Variants in CACHD1 observed in about 807,000 individuals in gnomAD.
The protein encoded by CACHD1 is cache domain containing 1.
CACHD1 carries 71 observed loss-of-function variants against 138.7 expected under a neutral mutation model. The ratio of observed to expected loss-of-function variants is 0.51; its 90% CI spans 0.42 to 0.62. The LOEUF (loss-of-function observed/expected upper bound fraction) is 0.62, where lower values mean the gene tolerates loss of function less well. CACHD1 is among the 20% of genes least tolerant of loss of function. The pLI, the probability that CACHD1 is intolerant of heterozygous loss-of-function variation, is 0.00. For synonymous variants in CACHD1, 578 were observed against 591.5 expected, an observed-to-expected ratio of 0.98 and a Z score of 0.33; for missense variants, 1,389 against 1,625.3, an observed-to-expected ratio of 0.85 and a Z score of 2.50.
chr1:64,612,589 C>T (rs1647574477), intron 4 of CACHD1, among the ~76,000 whole-genome samples: 1 of 152,128 alleles, frequency 6.6e-6, no homozygotes, highest in African/African-American at 2.4e-5. Flanking sequence ...ATTTGGCTTT[C>T]TGCTTAGAAT....
intron 1 of CACHD1, chr1:64,505,843 G>GGCCTC (rs1557465795): frequency 8.6e-6 from 1 of 116,658 alleles, no homozygotes; most frequent in Admixed American, 8.6e-5. Flanking sequence ...TTTGTTCCCC[G>GGCCTC]GCCTCGCCCC....
intron 2 of CACHD1, among the ~76,000 whole-genome samples, chr1:64,559,288 A>G (rs969142404): frequency 6.6e-6 from 1 of 152,362 alleles, no homozygotes; most frequent in East Asian, 1.9e-4. Context: ...ATTGTGGTAT[A>G]TATGTACACT....
intron 1 of CACHD1, among the ~76,000 whole-genome samples, chr1:64,472,585 G>A (rs1398622784): frequency 1.3e-5 from 2 of 152,276 alleles, no homozygotes; most frequent in Middle Eastern, 6.8e-3. Flanking sequence ...AGATTCAGTT[G>A]CAATTTTTTC....
At chr1:64,637,350 A>G (rs1057211169) in intron 7 of CACHD1, among the ~76,000 whole-genome samples, 2 of 152,208 alleles carry the variant, frequency 1.3e-5, no homozygotes, top group East Asian at 3.8e-4. Context: ...TCCAGAGGGT[A>G]GCTGCTCCTC....
At chr1:64,629,581 T>C in intron 5 of CACHD1, 100 bp downstream of exon 5, 1 of 1,343,858 alleles carries the variant, frequency 7.4e-7, no homozygotes, top group Non-Finnish European at 1.0e-6. Context: ...GCCTTTAAGC[T>C]GTGGATTCAG....
At chr1:64,527,436 A>G (rs1231159187) in intron 1 of CACHD1, among the ~76,000 whole-genome samples, 1 of 152,066 alleles carries the variant, frequency 6.6e-6, no homozygotes. Flanking sequence ...TTCTTCGGGG[A>G]GTCTTGTGAT....
rs1648731266 is a variant in CACHD1 at position 64,641,948 on chromosome 1, C to T, written c.1135C>T (p.Leu379Phe). ...CTTTCTAAACAACTCTGTAATGATT[C>T]TCACCTATGCCCTCATGAACGGTAG... ...NSFLNNSVMI[L>F]TYALMNDGVT... The change falls in exon 8 of 27, where the codon CTC becomes TTC. Residue 379 changes from leucine (L) to phenylalanine (F), a missense_variant. Coordinates refer to ENST00000651257, the MANE Select transcript of CACHD1 (RefSeq NM_020925.4). 1 of 1,593,998 alleles carries T rather than the reference C, an allele frequency of 6.3e-7. No homozygotes were observed. Among genetic ancestry groups the T allele is most frequent in the South Asian group, 1.2e-5 (1 of 86,944 alleles).
intron 4 of CACHD1, among the ~76,000 whole-genome samples, chr1:64,613,163 G>C (rs1647591111): frequency 6.6e-6 from 1 of 152,092 alleles, no homozygotes; most frequent in South Asian, 2.1e-4. Context: ...TGCCTCAATT[G>C]GTATAATCTT....
rs1347625621 is a variant in CACHD1 at position 64,692,753 on chromosome 1, A to T, written c.*1192A>T. ...AAATCTGGCTACTATAACATGGGGCATTGTAACTTTAAAGTAGTGTTTTAA... is the reference window on the plus strand; with the variant it reads ...AAATCTGGCTACTATAACATGGGGCTTTGTAACTTTAAAGTAGTGTTTTAA... On this transcript the variant is annotated 3_prime_UTR_variant, in exon 27 of 27. Transcript: ENST00000651257. 1 of 152,262 alleles carries T rather than the reference A, an allele frequency of 6.6e-6. No individual in the cohort carries two copies. Among genetic ancestry groups the T allele is most frequent in the Non-Finnish European group, 1.5e-5 (1 of 68,040 alleles). 9.4% of individuals were successfully genotyped at this position (152,262 alleles called of 1,614,324 possible).
intron 13 of CACHD1, among the ~76,000 whole-genome samples, chr1:64,659,571 A>G (rs1202444912): frequency 6.6e-6 from 1 of 152,210 alleles, no homozygotes; most frequent in East Asian, 1.9e-4. Flanking sequence ...CTGAGTTGAC[A>G]TGTGATTGAT....
At chr1:64,519,546 C>T (rs1053764995) in intron 1 of CACHD1, among the ~76,000 whole-genome samples, 3 of 152,186 alleles carry the variant, frequency 2.0e-5, no homozygotes, top group Non-Finnish European at 2.9e-5. Flanking sequence ...TCTGAATTAA[C>T]TTTTTTCCTT....
chr1:64,503,425 T>G (rs2100328043), intron 1 of CACHD1, among the ~76,000 whole-genome samples: 1 of 152,260 alleles, frequency 6.6e-6, no homozygotes, highest in Admixed American at 6.5e-5. Context: ...CTCCAAAAAT[T>G]TACAGAGCCA....
In CACHD1 at chr1:64,512,393, C is replaced by CAAAAAAA. The variant is rs551616431; in HGVS notation, c.199-38181_199-38175dup. Among the ~76,000 whole-genome samples the CAAAAAAA allele has an allele frequency of 2.7e-4, 21 of 78,594 alleles. 1 individual carries two copies. The highest frequency in any genetic ancestry group is 1.3e-3 in the African/African-American group (21 of 15,576). 51.6% of individuals were successfully genotyped at this position (78,594 alleles called of 152,430 possible). On this transcript the variant is annotated intron_variant, in intron 1 of 26. Transcript: ENST00000651257. ...TCGGTGACACAGTGAGACTGTGTCT[C>CAAAAAAA]AAAAAAAAAAAAAAAAAAAAAAAAA... is the stretch of plus-strand genomic sequence containing the variant.
intron 3 of CACHD1, among the ~76,000 whole-genome samples, chr1:64,586,876 T>C (rs963874088): frequency 6.6e-6 from 1 of 152,204 alleles, no homozygotes; most frequent in African/African-American, 2.4e-5. Context: ...TCATGAAAAA[T>C]GGGCTCAAGA....
At chr1:64,612,897 A>G (rs759872368) in intron 4 of CACHD1, among the ~76,000 whole-genome samples, 4 of 152,240 alleles carry the variant, frequency 2.6e-5, no homozygotes, top group Non-Finnish European at 5.9e-5. Flanking sequence ...TGTAGCTTTC[A>G]TAGATAGTGA....
chr1:64,486,373 C>T (rs990479427), intron 1 of CACHD1, among the ~76,000 whole-genome samples: 58 of 147,186 alleles, frequency 3.9e-4, no homozygotes, highest in African/African-American at 1.4e-3. Context: ...CACACATACA[C>T]ACACACACAC....
At chr1:64,473,744 A>G (rs1019338598) in intron 1 of CACHD1, among the ~76,000 whole-genome samples, 12 of 152,352 alleles carry the variant, frequency 7.9e-5, no homozygotes, top group Non-Finnish European at 1.6e-4. Flanking sequence ...TAAAAAGCCA[A>G]TGTTCAGACT....
At chr1:64,601,754 T>C (rs1366220283) in intron 3 of CACHD1, among the ~76,000 whole-genome samples, 2 of 152,334 alleles carry the variant, frequency 1.3e-5, no homozygotes, top group East Asian at 3.9e-4. Context: ...TTCTCCTAGC[T>C]TTATAGCTTC....
intron 14 of CACHD1, 59 bp from the exon 15 acceptor site, chr1:64,664,439 C>G (rs1316194170): frequency 6.6e-7 from 1 of 1,511,652 alleles, no homozygotes; most frequent in Non-Finnish European, 9.1e-7. Flanking sequence ...TGCCAGCAGC[C>G]CACTCTCTTT....
Sources: allele counts gnomAD v4.1 joint callset (sites outside exome capture counted in the v4.1 genomes callset), GRCh38; gene constraint gnomAD v4.1.1; transcripts MANE v1.5; gene names NCBI Gene and HGNC (gene_info 2026-07-23, HGNC 2026-07-21).